Variants in NAALADL2 observed in about 807,000 individuals in gnomAD.
The protein encoded by NAALADL2 is inactive N-acetylated-alpha-linked acidic dipeptidase-like protein 2.
NAALADL2 carries 76 observed loss-of-function variants against 87.2 expected under a neutral mutation model. The ratio of observed to expected loss-of-function variants is 0.87; its 90% CI spans 0.72 to 1.05. The LOEUF (loss-of-function observed/expected upper bound fraction) is 1.05. NAALADL2 is among the 50% of genes least tolerant of loss of function. The probability of loss-of-function intolerance (pLI) is 0.00; values close to 1 mark genes in which losing one functional copy is unlikely to be tolerated. For synonymous variants in NAALADL2, 354 were observed against 331.0 expected, an observed-to-expected ratio of 1.07 and a Z score of -0.75; for missense variants, 1,089 against 945.8, an observed-to-expected ratio of 1.15 and a Z score of -1.99.
intron 1 of NAALADL2, among the ~76,000 whole-genome samples, chr3:174,982,779 C>A (rs1337252876): frequency 6.6e-6 from 1 of 151,924 alleles, no homozygotes; most frequent in Non-Finnish European, 1.5e-5. Context: ...GCTTCTGCTA[C>A]GTTTCATAGT....
intron 12 of NAALADL2, among the ~76,000 whole-genome samples, chr3:175,749,850 CT>C (rs1746412508): frequency 6.6e-6 from 1 of 152,146 alleles, no homozygotes; most frequent in African/African-American, 2.4e-5. Context: ...ACGCAGAAGT[CT>C]TAGAAGCTTT....
chr3:174,523,634 A>G (rs947135367), intron 1 of NAALADL2: 2 of 152,210 alleles, frequency 1.3e-5, no homozygotes, highest in African/African-American at 4.8e-5. Flanking sequence ...ATTGCTTAGT[A>G]CTACCTGGAT....
At chr3:175,458,275 A>G (rs1282673631) in intron 6 of NAALADL2, among the ~76,000 whole-genome samples, 5 of 151,984 alleles carry the variant, frequency 3.3e-5, no homozygotes, top group Non-Finnish European at 7.4e-5. Context: ...AACTAGGAAA[A>G]TATAGTTATA....
At chr3:174,968,594 C>T (rs1016141106) in intron 1 of NAALADL2, among the ~76,000 whole-genome samples, 1 of 152,038 alleles carries the variant, frequency 6.6e-6, no homozygotes, top group East Asian at 1.9e-4. Flanking sequence ...ATTCTCCTGC[C>T]TCAGCCTCCC....
chr3:174,635,691 C>T (rs1209657302), intron 2 of NAALADL2, among the ~76,000 whole-genome samples: 1 of 151,886 alleles, frequency 6.6e-6, no homozygotes, highest in African/African-American at 2.4e-5. Flanking sequence ...TTAGTAGAGA[C>T]GGGGTTTCAC....
At chr3:175,797,873 T>G (rs1753694848) in intron 13 of NAALADL2, among the ~76,000 whole-genome samples, 1 of 152,078 alleles carries the variant, frequency 6.6e-6, no homozygotes, top group South Asian at 2.1e-4. Context: ...GGTTTTGCTG[T>G]CAAGAGATGA....
In NAALADL2 at chr3:174,588,970, CA is replaced by C. The variant is rs563920564; in HGVS notation, c.-115+38334del. On this transcript the variant is annotated intron_variant, in intron 2 of 3. Coordinates refer to the NAALADL2 transcript ENST00000434257. Reference sequence around the variant, plus strand: ...CTTTTTTTCAGCTATGCCCTGCCCCCAGAGGTGGAGTCTACAGAGGCAGGCA... The same window carrying C: ...CTTTTTTTCAGCTATGCCCTGCCCCCGAGGTGGAGTCTACAGAGGCAGGCA... 7.3e-3 allele frequency among the ~76,000 whole-genome samples: 1,104 copies of C among 152,224 alleles called. 11 individuals are homozygous for C. Among genetic ancestry groups the C allele is most frequent in the African/African-American group, 0.026 (1,070 of 41,518 alleles).
chr3:174,624,916 A>G (rs893244215), intron 2 of NAALADL2, among the ~76,000 whole-genome samples: 1 of 152,100 alleles, frequency 6.6e-6, no homozygotes, highest in Non-Finnish European at 1.5e-5. Context: ...TTTTAATTTA[A>G]GAAAATTATA....
intron 1 of NAALADL2, among the ~76,000 whole-genome samples, chr3:174,909,419 A>G (rs1353664448): frequency 1.3e-5 from 2 of 152,114 alleles, no homozygotes; most frequent in African/African-American, 2.4e-5. Flanking sequence ...AGAGCACTCT[A>G]TACACACCAG....
chr3:175,092,837 A>C (rs1476268205), intron 1 of NAALADL2, among the ~76,000 whole-genome samples: 1 of 151,902 alleles, frequency 6.6e-6, no homozygotes, highest in East Asian at 1.9e-4. Flanking sequence ...ACTGGATGGA[A>C]AGAGATGTCA....
chr3:174,835,488 A>G (rs919555294), intron 3 of NAALADL2, among the ~76,000 whole-genome samples: 1 of 152,162 alleles, frequency 6.6e-6, no homozygotes, highest in African/African-American at 2.4e-5. Flanking sequence ...AAGCAATACA[A>G]GTAAAAATAA....
At chr3:174,560,181 C>T (rs1277989102) in intron 2 of NAALADL2, among the ~76,000 whole-genome samples, 1 of 152,174 alleles carries the variant, frequency 6.6e-6, no homozygotes, top group Non-Finnish European at 1.5e-5. Flanking sequence ...GAGACTGTTA[C>T]TGCCCTTAGG....
chr3:175,263,875 G>A (rs1751505801), intron 4 of NAALADL2, among the ~76,000 whole-genome samples: 1 of 151,608 alleles, frequency 6.6e-6, no homozygotes, highest in Non-Finnish European at 1.5e-5. Context: ...ATTTAAAACA[G>A]TAAGCTCTAG....
intron 1 of NAALADL2, among the ~76,000 whole-genome samples, chr3:174,525,288 AT>A (rs1027347763): frequency 6.6e-6 from 1 of 152,190 alleles, no homozygotes; most frequent in Non-Finnish European, 1.5e-5. Flanking sequence ...AAGCTAGGTA[AT>A]TTATAAAGAA....
chr3:175,264,285 C>T (rs968088633), intron 4 of NAALADL2, among the ~76,000 whole-genome samples: 2 of 151,636 alleles, frequency 1.3e-5, no homozygotes, highest in Non-Finnish European at 3.0e-5. Flanking sequence ...AAAATACTCT[C>T]AATTCATAAG....
intron 5 of NAALADL2, among the ~76,000 whole-genome samples, chr3:175,372,322 A>G (rs60579604): frequency 0.27 from 40,571 of 152,192 alleles, 5,568 homozygotes; most frequent in African/African-American, 0.29. Flanking sequence ...ATGTCTGTGC[A>G]TTCTCTATAT....
At chr3:174,862,101 G>T (rs535518410) in intron 1 of NAALADL2, among the ~76,000 whole-genome samples, 1 of 152,076 alleles carries the variant, frequency 6.6e-6, no homozygotes, top group African/African-American at 2.4e-5. Flanking sequence ...AATTATCTAG[G>T]TAAGGAGAGA....
intron 2 of NAALADL2, among the ~76,000 whole-genome samples, chr3:174,570,986 A>T (rs2108534330): frequency 6.6e-6 from 1 of 152,238 alleles, no homozygotes; most frequent in South Asian, 2.1e-4. Context: ...GCGATTCTCC[A>T]AATTTAATTA....
chr3:174,653,368 T>TATCTTTGAGCTTTTGTTCTTC (rs1247479036), intron 2 of NAALADL2, among the ~76,000 whole-genome samples: 1 of 152,198 alleles, frequency 6.6e-6, no homozygotes, highest in Non-Finnish European at 1.5e-5. Context: ...GTGTGTTCAT[T>TATCTTTGAGCTTTTGTTCTTC]ATCTTTGAGC....
Sources: gnomAD v4.1 joint callset for allele counts (sites outside exome capture counted in the v4.1 genomes callset) on GRCh38, gnomAD v4.1.1 for gene constraint, MANE v1.5 for transcripts, NCBI Gene and HGNC (gene_info 2026-07-23, HGNC 2026-07-21) for gene names.